MCTP2: variants seen among roughly 807,000 people sequenced by gnomAD.
MCTP2 encodes the protein multiple C2 and transmembrane domain containing 2, also known as multiple C2 and transmembrane domain-containing protein 2.
In MCTP2, 132 loss-of-function variants were observed where a neutral mutation model predicts 111.6. The observed-to-expected ratio is 1.18, with a 90% CI of 1.03 to 1.37. The LOEUF (loss-of-function observed/expected upper bound fraction) is 1.37, where lower values mean the gene tolerates loss of function less well. MCTP2 is among the 40% of genes most tolerant of loss of function. The pLI, the probability that MCTP2 is intolerant of heterozygous loss-of-function variation, is 0.00. For missense variants in MCTP2, 1,183 were observed against 1,067.9 expected (o/e 1.11, Z -1.50); for synonymous variants, 395 against 387.7 (o/e 1.02, Z -0.22).
At chr15:94,358,073 T>C (rs748863191) in intron 9 of MCTP2, among the ~76,000 whole-genome samples, 19 of 152,372 alleles carry the variant, frequency 1.2e-4, no homozygotes, top group Middle Eastern at 3.4e-3. Flanking sequence ...TTAATTTATA[T>C]AGTTAGTAAG....
chr15:94,305,593 TGAA>T (rs1280103253), intron 2 of MCTP2, among the ~76,000 whole-genome samples: 4 of 152,212 alleles, frequency 2.6e-5, no homozygotes. Flanking sequence ...TATAAGCTCT[TGAA>T]GAGTAGAAAT....
chr15:94,378,155 T>C (rs2079883595), intron 12 of MCTP2, among the ~76,000 whole-genome samples: 1 of 151,920 alleles, frequency 6.6e-6, no homozygotes, highest in African/African-American at 2.4e-5. Flanking sequence ...AATGGGAAGA[T>C]GTTAGACAAG....
intron 20 of MCTP2, among the ~76,000 whole-genome samples, chr15:94,467,095 C>A (rs1353564134): frequency 6.6e-6 from 1 of 152,092 alleles, no homozygotes; most frequent in Non-Finnish European, 1.5e-5. Context: ...TGTATGGAAT[C>A]CCCTCACCAA....
At chr15:94,385,638 A>T in intron 14 of MCTP2, 113 bp downstream of exon 14, 2 of 724,058 alleles carry the variant, frequency 2.8e-6, no homozygotes, top group Non-Finnish European at 4.9e-6. Flanking sequence ...CCTCCTAACT[A>T]TAGCAGGAAA....
intron 22 of MCTP2, among the ~76,000 whole-genome samples, chr15:94,477,153 TC>T (rs753338493): frequency 4.6e-5 from 7 of 152,280 alleles, no homozygotes; most frequent in Admixed American, 2.0e-4. Flanking sequence ...ATTTTCTTCT[TC>T]CGGGTGGCAA....
intron 22 of MCTP2, among the ~76,000 whole-genome samples, chr15:94,476,997 A>G (rs144198602): frequency 6.6e-6 from 1 of 152,168 alleles, no homozygotes; most frequent in Non-Finnish European, 1.5e-5. Flanking sequence ...TTTGAAAAAG[A>G]GCTACTTAAG....
chr15:94,246,233 T>C (rs796986916), intron 1 of MCTP2, among the ~76,000 whole-genome samples: 67 of 152,244 alleles, frequency 4.4e-4, no homozygotes, highest in African/African-American at 1.6e-3. Flanking sequence ...GAAGGACAGG[T>C]GGCTTAAAGG....
At chr15:94,408,248 T>G (rs2081996413) in intron 17 of MCTP2, among the ~76,000 whole-genome samples, 1 of 152,254 alleles carries the variant, frequency 6.6e-6, no homozygotes, top group East Asian at 1.9e-4. Flanking sequence ...TGCTCAAAAA[T>G]TAAAAGTATT....
intron 1 of MCTP2, among the ~76,000 whole-genome samples, chr15:94,281,898 T>C (rs991133084): frequency 2.0e-5 from 3 of 152,142 alleles, no homozygotes; most frequent in African/African-American, 7.2e-5. Flanking sequence ...TTATTTCTAC[T>C]GAAAGGCCCA....
At chr15:94,338,172 C>T (rs2077457251) in intron 4 of MCTP2, among the ~76,000 whole-genome samples, 1 of 152,080 alleles carries the variant, frequency 6.6e-6, no homozygotes, top group Non-Finnish European at 1.5e-5. Context: ...ATTCTGGGGG[C>T]CTATCTTGGG....
intron 21 of MCTP2, among the ~76,000 whole-genome samples, chr15:94,475,529 G>A (rs1296424476): frequency 1.3e-5 from 2 of 152,148 alleles, no homozygotes; most frequent in Non-Finnish European, 2.9e-5. Flanking sequence ...ACAGTTAAAT[G>A]TTACCTTGAC....
In MCTP2 at chr15:94,331,013, C is replaced by T. The variant is rs1463931950; in HGVS notation, c.638-8277C>T. 3.3e-5 allele frequency among the ~76,000 whole-genome samples: 5 copies of T among 152,216 alleles called. No individual in the cohort carries two copies. The South Asian group carries it at 1.0e-3, about 32-fold the overall frequency. On this transcript the variant is annotated intron_variant, in intron 4 of 22. Coordinates refer to ENST00000357742, the MANE Select transcript of MCTP2 (RefSeq NM_001385001.1). The stretch of plus-strand genomic sequence containing the variant: ...CCTCCCAAAGTGCTGGGATTACAGG[C>T]ATGAGTCACCATGCCCAGCCCAGGC...
intron 14 of MCTP2, among the ~76,000 whole-genome samples, chr15:94,387,206 A>G (rs2080552961): frequency 6.6e-6 from 1 of 150,778 alleles, no homozygotes; most frequent in African/African-American, 2.4e-5. Context: ...AGTTACCTCC[A>G]GCTTAATCAG....
At chr15:94,402,732 T>C (rs893073159) in intron 17 of MCTP2, 2 of 1,437,632 alleles carry the variant, frequency 1.4e-6, no homozygotes, top group South Asian at 1.5e-5. Context: ...AAATTGGTAA[T>C]GTCAGCCATG....
At chr15:94,377,412 G>A (rs1479558192) in intron 12 of MCTP2, among the ~76,000 whole-genome samples, 2 of 152,158 alleles carry the variant, frequency 1.3e-5, no homozygotes, top group South Asian at 2.1e-4. Context: ...CTGGCAGGCC[G>A]TCTGCTTCAA....
At chr15:94,383,912 C>T in intron 12 of MCTP2, 110 bp from the exon 13 acceptor site, 1 of 760,510 alleles carries the variant, frequency 1.3e-6, no homozygotes, top group Non-Finnish European at 2.3e-6. Context: ...GAAAAGCAGT[C>T]TTGCCTTCCC....
intron 18 of MCTP2, among the ~76,000 whole-genome samples, chr15:94,440,681 C>G (rs2083729031): frequency 6.6e-6 from 1 of 152,192 alleles, no homozygotes; most frequent in Non-Finnish European, 1.5e-5. Context: ...GCAGGGCTAA[C>G]TCTGGCCTTT....
intron 1 of MCTP2, among the ~76,000 whole-genome samples, chr15:94,280,775 CTGA>C (rs2074441027): frequency 6.6e-6 from 1 of 152,142 alleles, no homozygotes; most frequent in East Asian, 1.9e-4. Flanking sequence ...CCCAGAGATT[CTGA>C]TATGTTGTGT....
At chr15:94,452,974 TCTCC>T (rs1163437833) in intron 19 of MCTP2, among the ~76,000 whole-genome samples, 4 of 152,170 alleles carry the variant, frequency 2.6e-5, no homozygotes, top group South Asian at 2.1e-4. Context: ...TTTGTTTTTT[TCTCC>T]CTGTCTAGAA....
Sources: gnomAD v4.1 joint callset for allele counts (sites outside exome capture counted in the v4.1 genomes callset) on GRCh38, gnomAD v4.1.1 for gene constraint, MANE v1.5 for transcripts, NCBI Gene and HGNC (gene_info 2026-07-23, HGNC 2026-07-21) for gene names.